CCZ1: variants seen among roughly 807,000 people sequenced by gnomAD.
CCZ1 encodes vacuolar fusion protein CCZ1 homolog.
CCZ1 carries 19 observed loss-of-function variants against 57.8 expected under a neutral mutation model. The observed-to-expected ratio is 0.33, with a 90% CI of 0.23 to 0.48. The LOEUF (loss-of-function observed/expected upper bound fraction) is 0.48, where lower values mean the gene tolerates loss of function less well. Ranked by LOEUF, CCZ1 falls within the 20% of genes least tolerant of loss-of-function variation. The pLI, the probability that CCZ1 is intolerant of heterozygous loss-of-function variation, is 0.99. For synonymous variants in CCZ1, 81 were observed against 167.0 expected (o/e 0.49, Z 3.97); for missense variants, 200 against 492.0 (o/e 0.41, Z 5.61).
intron 10 of CCZ1, among the ~76,000 whole-genome samples, chr7:5,916,669 C>T (rs1186021372): frequency 6.8e-6 from 1 of 148,128 alleles, no homozygotes; most frequent in Admixed American, 6.6e-5. Context: ...GGAAGCTCAC[C>T]TGAGCCTCGA....
At chr7:5,904,544 A>T (rs962035947) in intron 6 of CCZ1, among the ~76,000 whole-genome samples, 2 of 146,704 alleles carry the variant, frequency 1.4e-5, no homozygotes, top group Admixed American at 1.3e-4. Flanking sequence ...AAAAAAAAAA[A>T]ATTTTTGGCC....
chr7:5,899,311 A>G (rs1781621832), intron 1 of CCZ1, among the ~76,000 whole-genome samples: 1 of 134,524 alleles, frequency 7.4e-6, no homozygotes. Context: ...CCAAATGAGG[A>G]AATAAATTAA....
intron 7 of CCZ1, among the ~76,000 whole-genome samples, chr7:5,905,778 C>G (rs62453585): frequency 0.22 from 8,719 of 40,384 alleles, 852 homozygotes; most frequent in South Asian, 0.35. Flanking sequence ...GAGACTCTGT[C>G]TCCAAAAAAA....
In CCZ1 at chr7:5,904,627, T is replaced by G. The variant is rs370436861; in HGVS notation, c.523-467T>G. 5.5e-5 allele frequency among the ~76,000 whole-genome samples: 8 copies of G among 146,486 alleles called. No homozygotes were observed. The East Asian group carries it at 6.8e-4, about 13-fold the overall frequency. On this transcript the variant is annotated intron_variant, in intron 6 of 14. Coordinates refer to ENST00000325974, the MANE Select transcript of CCZ1 (RefSeq NM_015622.6). ...GCAGGCAGATCACGAGTCAGGAGATTGAGACCATCCTGGCTAACATGGTGA... is the reference window on the plus strand; with the variant it reads ...GCAGGCAGATCACGAGTCAGGAGATGGAGACCATCCTGGCTAACATGGTGA...
intron 6 of CCZ1, among the ~76,000 whole-genome samples, chr7:5,904,694 G>A (rs1276681261): frequency 4.1e-5 from 6 of 147,280 alleles, no homozygotes; most frequent in Admixed American, 4.0e-4. Context: ...AGCTGGGCAT[G>A]GTGGCAGGCG....
rs187401930 is a variant in CCZ1 at position 5,904,609 on chromosome 7, G to T, written c.523-485G>T. Among the ~76,000 whole-genome samples, 7 of 146,700 alleles carry T rather than the reference G, an allele frequency of 4.8e-5. 2 individuals carry two copies. The East Asian group carries it at 1.6e-3, about 33-fold the overall frequency. On this transcript the variant is annotated intron_variant, in intron 6 of 14. Coordinates refer to ENST00000325974, the MANE Select transcript of CCZ1 (RefSeq NM_015622.6). ...GCACTTTGGGAGGCCGAGGCAGGCA[G>T]ATCACGAGTCAGGAGATTGAGACCA...
chr7:5,902,725 T>C lies in CCZ1; in HGVS notation c.503T>C (p.Leu168Ser). The C allele has an allele frequency of 6.3e-7, 1 of 1,594,424 alleles. No individual in the cohort carries two copies. Among genetic ancestry groups the C allele is most frequent in the Non-Finnish European group, 8.5e-7 (1 of 1,176,478 alleles). ...GGCGTCAAGCTTCTGAAAGAAAGAT[T>C]AGAGAAATTCTTCCATCGGGTAAGT... ...DGGVKLLKERLEKFFHRYLQT... is the reference protein window; with the variant it reads ...DGGVKLLKERSEKFFHRYLQT... Residue 168 changes from leucine to serine, a missense_variant, in exon 6 of 15, where the codon TTA becomes TCA. Leu to Ser is a moderately radical substitution (Grantham distance 145, BLOSUM62 -2). Coordinates refer to ENST00000325974, the MANE Select transcript of CCZ1 (RefSeq NM_015622.6).
rs1781662071 is a variant in CCZ1 at position 5,900,476 on chromosome 7, A to G, written c.222A>G (p.Thr74=). The stretch of plus-strand genomic sequence containing the variant: ...CATATTTTTTTAACCTTTGTAGGAC[A>G]TTTAGCCCATCAAAACCTGCAAAAT... ...LCEAIVQFTR[T]FSPSKPAKSL... is the part of the protein sequence containing the mutation. The change falls in exon 3 of 15, where the codon ACA becomes ACG. Residue 74 remains threonine (T), a synonymous_variant. Coordinates refer to ENST00000325974, the MANE Select transcript of CCZ1 (RefSeq NM_015622.6). 7 of 1,598,880 alleles carry G rather than the reference A, an allele frequency of 4.4e-6. No individual in the cohort carries two copies. The highest frequency in any genetic ancestry group is 5.9e-6 in the Non-Finnish European group (7 of 1,176,926).
chr7:5,922,348 C>CTTTCT, intron 12 of CCZ1, among the ~76,000 whole-genome samples: 1 of 110,722 alleles, frequency 9.0e-6, no homozygotes, highest in African/African-American at 3.6e-5. Flanking sequence ...CCTCCACGTT[C>CTTTCT]TTTCTTTGCC....
rs2128614721 is a variant in CCZ1, at chr7:5,919,847, A to AGCCT, written c.989-1_991dup. 6.2e-7 allele frequency: 1 copy of AGCCT among 1,611,024 alleles called. No homozygotes were observed. Among genetic ancestry groups the AGCCT allele is most frequent in the East Asian group, 2.2e-5 (1 of 44,740 alleles). Reference sequence around the variant, plus strand: ...CTGGTATTTTTTGTCATGACTTGCCAGCCTCTGTCCACCCAACGTTGGATT... The same window carrying AGCCT: ...CTGGTATTTTTTGTCATGACTTGCCAGCCTGCCTCTGTCCACCCAACGTTGGATT... On this transcript the variant is annotated splice_acceptor_variant, in intron 11 of 14. Transcript: ENST00000325974. LOFTEE classifies it high-confidence loss of function.
chr7:5,920,470 C>T (rs866818240), intron 12 of CCZ1, among the ~76,000 whole-genome samples: 20 of 95,980 alleles, frequency 2.1e-4, no homozygotes, highest in Admixed American at 3.2e-4. Context: ...TTCTCCCTGG[C>T]TTTTTTTTTT....
At chr7:5,910,808 T>C (rs546099429) in intron 8 of CCZ1, among the ~76,000 whole-genome samples, 1 of 147,888 alleles carries the variant, frequency 6.8e-6, no homozygotes, top group Admixed American at 6.7e-5. Context: ...CAATCTCAGC[T>C]CACTGCAACT....
chr7:5,901,596 T>C, intron 4 of CCZ1, 61 bp from the exon 5 acceptor site: 1 of 1,531,712 alleles, frequency 6.5e-7, no homozygotes, highest in Non-Finnish European at 8.8e-7. Flanking sequence ...CTTTGCCATC[T>C]ATCCAGTAGA....
intron 7 of CCZ1, 82 bp downstream of exon 7, chr7:5,905,351 C>T: frequency 2.6e-6 from 2 of 770,956 alleles, no homozygotes; most frequent in Non-Finnish European, 4.0e-6. Context: ...GACAGGTTGT[C>T]AAACAGGAAC....
intron 6 of CCZ1, among the ~76,000 whole-genome samples, chr7:5,903,994 G>A (rs749989671): frequency 3.3e-5 from 2 of 60,040 alleles, no homozygotes; most frequent in Non-Finnish European, 7.5e-5. Flanking sequence ...ACTCCATCTC[G>A]GGGGGGGAAA....
chr7:5,908,061 T>C (rs1781877003), intron 7 of CCZ1, among the ~76,000 whole-genome samples: 1 of 141,634 alleles, frequency 7.1e-6, no homozygotes, highest in African/African-American at 2.7e-5. Context: ...TGAGCTATGA[T>C]AGCACCACTG....
intron 7 of CCZ1, among the ~76,000 whole-genome samples, chr7:5,908,660 G>A (rs1252855148): frequency 2.0e-5 from 3 of 147,436 alleles, no homozygotes; most frequent in African/African-American, 5.0e-5. Context: ...GATTACAGGT[G>A]TGAGCTTCCG....
Position 5,905,076 on chromosome 7 carries a change from T to C in CCZ1, c.523-18T>C, listed in dbSNP as rs1583182712. On this transcript the variant is annotated intron_variant, in intron 6 of 14. Coordinates refer to ENST00000325974, the MANE Select transcript of CCZ1 (RefSeq NM_015622.6). Reference sequence around the variant, plus strand: ...GTGTACTATTAGTAAATTTTATGCCTTATTTTTTTTCCCACAGTATTTGCA... The same window carrying C: ...GTGTACTATTAGTAAATTTTATGCCCTATTTTTTTTCCCACAGTATTTGCA... 14 of 1,598,908 alleles carry C rather than the reference T, an allele frequency of 8.8e-6. No homozygotes were observed. Among genetic ancestry groups the C allele is most frequent in the Non-Finnish European group, 1.1e-5 (13 of 1,177,812 alleles).
Position 5,910,015 on chromosome 7 carries a change from G to A in CCZ1, c.699-20G>A. On this transcript the variant is annotated intron_variant, in intron 7 of 14. Transcript: ENST00000325974. ...AAGACAGTTCCAAACGTTTAACCCA[G>A]TGCTTTTCTGTTGTTGCAGGAGTGG... 1 of 1,600,996 alleles carries A rather than the reference G, an allele frequency of 6.2e-7. No homozygotes were observed. Among genetic ancestry groups the A allele is most frequent in the South Asian group, 1.1e-5 (1 of 90,382 alleles).
Sources: gnomAD v4.1 joint callset for allele counts (sites outside exome capture counted in the v4.1 genomes callset) on GRCh38, gnomAD v4.1.1 for gene constraint, MANE v1.5 for transcripts, NCBI Gene and HGNC (gene_info 2026-07-23, HGNC 2026-07-21) for gene names.